The following NREP variants were observed in gnomAD, a reference collection of about 807,000 sequenced individuals.
The protein encoded by NREP is neuronal regeneration related protein, also known as neuronal regeneration-related protein.
In NREP, 5 loss-of-function variants were observed where a neutral mutation model predicts 8.6. The observed-to-expected ratio is 0.58, with a 90% CI of 0.30 to 1.22. The LOEUF (loss-of-function observed/expected upper bound fraction) is 1.22. NREP is among the 50% of genes most tolerant of loss of function. NREP has a pLI of 0.07. For synonymous variants in NREP, 27 were observed against 28.0 expected (o/e 0.96, Z 0.11); for missense variants, 86 against 82.5 (o/e 1.04, Z -0.17).
chr5:111,954,477 T>C (rs1003351713), intron 2 of NREP, among the ~76,000 whole-genome samples: 1 of 152,186 alleles, frequency 6.6e-6, no homozygotes, highest in Non-Finnish European at 1.5e-5. Flanking sequence ...CCAAAAATTG[T>C]TAAAGAGTGG....
Position 111,856,448 on chromosome 5 carries a change from T to G in NREP, c.135+118826A>C, listed in dbSNP as rs570483037. On this transcript the variant is annotated intron_variant, in intron 2 of 3. Coordinates refer to the NREP transcript ENST00000395634. ...TATTAAAGCTCCTAAGACATAAATT[T>G]ATTCTCAGACATATGGCTTGGACTT... Among the ~76,000 whole-genome samples, 8 of 152,226 alleles carry G rather than the reference T, an allele frequency of 5.3e-5. No individual in the cohort carries two copies. The East Asian group carries it at 1.2e-3, about 22-fold the overall frequency.
intron 2 of NREP, among the ~76,000 whole-genome samples, chr5:111,827,862 A>G (rs1161713943): frequency 6.6e-6 from 1 of 152,034 alleles, no homozygotes; most frequent in Non-Finnish European, 1.5e-5. Flanking sequence ...AAGAAAACAA[A>G]CAAAAAACAA....
chr5:111,777,761 G>A (rs1006765309), intron 2 of NREP, among the ~76,000 whole-genome samples: 3 of 152,046 alleles, frequency 2.0e-5, no homozygotes, highest in African/African-American at 7.2e-5. Context: ...GAAATTATAG[G>A]TGTGGAGAAA....
intron 2 of NREP, among the ~76,000 whole-genome samples, chr5:111,853,693 T>C (rs1753361417): frequency 6.6e-6 from 1 of 151,986 alleles, no homozygotes. Context: ...TTTTTTTTTC[T>C]TAAAACCATG....
chr5:111,966,374 T>TCC (rs1404805897), intron 2 of NREP, among the ~76,000 whole-genome samples: 2 of 152,244 alleles, frequency 1.3e-5, no homozygotes, highest in East Asian at 3.8e-4. Flanking sequence ...ATCAATCTGC[T>TCC]TTTAATCTAT....
At chr5:111,891,629 A>G (rs1754396482) in intron 2 of NREP, among the ~76,000 whole-genome samples, 2 of 152,200 alleles carry the variant, frequency 1.3e-5, no homozygotes, top group South Asian at 4.1e-4. Context: ...GGTTCTATGG[A>G]CTGTATAGAA....
chr5:111,805,476 T>C (rs1435201997), intron 2 of NREP, among the ~76,000 whole-genome samples: 1 of 152,232 alleles, frequency 6.6e-6, no homozygotes, highest in Non-Finnish European at 1.5e-5. Context: ...GAGTATTTTG[T>C]AGTGGCTAAA....
intron 2 of NREP, among the ~76,000 whole-genome samples, chr5:111,971,393 T>A (rs72786293): frequency 0.011 from 1,645 of 152,162 alleles, 17 homozygotes; most frequent in Non-Finnish European, 0.017. Flanking sequence ...AGCCAGTCAA[T>A]CTGTAGCAAA....
At chr5:111,847,243 C>T (rs570229996) in intron 2 of NREP, among the ~76,000 whole-genome samples, 4 of 152,140 alleles carry the variant, frequency 2.6e-5, no homozygotes, top group Admixed American at 6.6e-5. Flanking sequence ...AGCTGCCGAA[C>T]GGTTGGGTTC....
intron 2 of NREP, among the ~76,000 whole-genome samples, chr5:111,931,106 G>A (rs1234474982): frequency 2.0e-5 from 3 of 151,980 alleles, no homozygotes; most frequent in African/African-American, 4.8e-5. Flanking sequence ...GTCTTATCTT[G>A]CCCCTTCTTC....
chr5:111,800,146 T>C (rs1267627185), intron 2 of NREP, among the ~76,000 whole-genome samples: 1 of 151,774 alleles, frequency 6.6e-6, no homozygotes, highest in African/African-American at 2.4e-5. Context: ...GCCAGGCTGA[T>C]CTCAAACTCC....
intron 2 of NREP, among the ~76,000 whole-genome samples, chr5:111,956,912 A>C (rs1756337548): frequency 6.6e-6 from 1 of 151,956 alleles, no homozygotes; most frequent in African/African-American, 2.4e-5. Context: ...TGCAGTGAGC[A>C]GAGATTGCAC....
At chr5:111,923,150 G>C (rs1755292799) in intron 2 of NREP, among the ~76,000 whole-genome samples, 1 of 152,192 alleles carries the variant, frequency 6.6e-6, no homozygotes, top group South Asian at 2.1e-4. Flanking sequence ...TTTGGAGTTG[G>C]TATAAATGTT....
chr5:111,836,268 G>A (rs760787173), intron 2 of NREP, among the ~76,000 whole-genome samples: 1 of 152,064 alleles, frequency 6.6e-6, no homozygotes, highest in Non-Finnish European at 1.5e-5. Flanking sequence ...AGGCAAAGAT[G>A]AAGTATTATT....
chr5:111,847,396 C>T (rs1347026997), intron 2 of NREP, among the ~76,000 whole-genome samples: 3 of 152,200 alleles, frequency 2.0e-5, no homozygotes, highest in South Asian at 2.1e-4. Context: ...CCCAATCTAA[C>T]CCTAATTAGT....
At chr5:111,776,346 T>A (rs541936296) in intron 2 of NREP, among the ~76,000 whole-genome samples, 1 of 152,314 alleles carries the variant, frequency 6.6e-6, no homozygotes, top group East Asian at 1.9e-4. Context: ...AATACTAATG[T>A]AATGCTATGC....
chr5:111,802,298 A>T (rs961313093), intron 2 of NREP, among the ~76,000 whole-genome samples: 9 of 150,988 alleles, frequency 6.0e-5, no homozygotes, highest in African/African-American at 2.2e-4. Context: ...TGTCAAATAC[A>T]CTGTTAAAAA....
intron 2 of NREP, among the ~76,000 whole-genome samples, chr5:111,913,510 T>C (rs1393204280): frequency 6.6e-6 from 1 of 152,104 alleles, no homozygotes; most frequent in Non-Finnish European, 1.5e-5. Flanking sequence ...AGGATAGACA[T>C]CTTCCCAGAT....
chr5:111,793,760 T>C (rs77899478), intron 2 of NREP, among the ~76,000 whole-genome samples: 2,833 of 152,278 alleles, frequency 0.019, 97 homozygotes, highest in African/African-American at 0.063. Context: ...GGCACATATC[T>C]ACTGTAAAAA....
Sources: gnomAD v4.1 joint callset for allele counts (sites outside exome capture counted in the v4.1 genomes callset) on GRCh38, gnomAD v4.1.1 for gene constraint, MANE v1.5 for transcripts, NCBI Gene and HGNC (gene_info 2026-07-23, HGNC 2026-07-21) for gene names.